The following C1QTNF4 variants were observed in gnomAD, a reference collection of about 807,000 sequenced individuals.
C1QTNF4 encodes C1q and TNF related 4.
C1QTNF4 carries 12 observed loss-of-function variants against 14.6 expected under a neutral mutation model. That is an observed-to-expected ratio of 0.82 (90% CI 0.53 to 1.33). The LOEUF (loss-of-function observed/expected upper bound fraction) is 1.33. Ranked by LOEUF, C1QTNF4 falls within the 40% of genes most tolerant of loss-of-function variation. The pLI, the probability that C1QTNF4 is intolerant of heterozygous loss-of-function variation, is 0.00. For synonymous variants in C1QTNF4, 278 were observed against 246.6 expected (o/e 1.13, Z -1.19); for missense variants, 558 against 500.3 (o/e 1.12, Z -1.10).
chr11:47,591,800 A>G (rs1254351950), intron 1 of C1QTNF4, among the ~76,000 whole-genome samples: 1 of 152,174 alleles, frequency 6.6e-6, no homozygotes, highest in Non-Finnish European at 1.5e-5. Context: ...TTTGACACTC[A>G]GGGGCCCTGG....
In C1QTNF4 at chr11:47,594,248, T is replaced by C. The variant is rs112029759; in HGVS notation, c.-106A>G. 6.6e-5 allele frequency: 10 copies of C among 152,212 alleles called. No individual in the cohort carries two copies. The highest frequency in any genetic ancestry group is 2.4e-4 in the African/African-American group (10 of 41,494). 9.4% of individuals were successfully genotyped at this position (152,212 alleles called of 1,614,324 possible). A position where few individuals can be genotyped will look rare whatever the true frequency, so the allele number is the denominator to read the frequency against. ...AGGCTGCAGGCTGCGGGTGCCGGGC[T>C]GCGCGCTGACCGCCCGCGCTGCGGC... On this transcript the variant is annotated 5_prime_UTR_variant, in exon 1 of 2. Transcript: ENST00000302514.
At position 47,589,744 on chromosome 11, in the gene C1QTNF4, G is replaced by C; in HGVS notation, c.*77C>G. The C allele has an allele frequency of 2.2e-6, 3 of 1,355,702 alleles. No individual in the cohort carries two copies. Among genetic ancestry groups the C allele is most frequent in the South Asian group, 1.6e-5 (1 of 63,726 alleles). 84.0% of individuals were successfully genotyped at this position (1,355,702 alleles called of 1,614,324 possible). ...GGCGCGCCCGGAGGCCGTGGCGCTC[G>C]CGCGGGACTTTCGAGCCTCCGGCCC... On this transcript the variant is annotated 3_prime_UTR_variant, in exon 2 of 2. Coordinates refer to ENST00000302514, the MANE Select transcript of C1QTNF4 (RefSeq NM_031909.3).
chr11:47,590,870 C>T (rs2097275243), intron 1 of C1QTNF4, 55 bp from the exon 2 acceptor site: 3 of 1,432,656 alleles, frequency 2.1e-6, no homozygotes, highest in Non-Finnish European at 1.8e-6. Flanking sequence ...GGCTTCCAAA[C>T]GCCCGGCTCT....
In C1QTNF4 at chr11:47,590,653, A is replaced by G. The variant is rs535287780; in HGVS notation, c.158T>C (p.Val53Ala). ...GAAGTCGCCCCCGATGTTCACGTAC[A>G]CCTTGTCGAAGGTCACCGCCATCTC... ...TSEMAVTFDK[V>A]YVNIGGDFDV... is the part of the protein sequence containing the mutation. Residue 53 changes from valine (V) to alanine (A), a missense_variant, in exon 2 of 2, where the codon GTG becomes GCG. Val to Ala is a moderately conservative substitution (Grantham distance 64, BLOSUM62 0). Coordinates refer to ENST00000302514, the MANE Select transcript of C1QTNF4 (RefSeq NM_031909.3). 5 of 1,611,204 alleles carry G rather than the reference A, an allele frequency of 3.1e-6. No homozygotes were observed. In the South Asian group the frequency reaches 3.3e-5, roughly 11 times the overall value.
rs1215856335 is a variant in C1QTNF4 at position 47,590,529 on chromosome 11, C to T, written c.282G>A (p.Leu94=). 7.5e-6 allele frequency: 12 copies of T among 1,594,734 alleles called. No homozygotes were observed. The highest frequency in any genetic ancestry group is 1.0e-5 in the Non-Finnish European group (12 of 1,171,884). The change falls in exon 2 of 2, where the codon CTG becomes CTA. Residue 94 remains leucine (L), a synonymous_variant. Transcript: ENST00000302514. ...KAPHKSLSVM[L]VRNRDEVQAL... ...CCTGCACCTCGTCGCGGTTTCGCACCAGCATCACCGACAGGCTCTTGTGCG... is the reference window on the plus strand; with the variant it reads ...CCTGCACCTCGTCGCGGTTTCGCACTAGCATCACCGACAGGCTCTTGTGCG...
rs148853380 is a variant in C1QTNF4 at position 47,590,694 on chromosome 11, G to A, written c.117C>T (p.Pro39=). The A allele has an allele frequency of 2.5e-6, 4 of 1,611,534 alleles. No homozygotes were observed. The highest frequency in any genetic ancestry group is 1.3e-5 in the African/African-American group (1 of 74,980). Residue 39 remains proline (P), a synonymous_variant, in exon 2 of 2, where the codon CCC becomes CCT. Coordinates refer to ENST00000302514, the MANE Select transcript of C1QTNF4 (RefSeq NM_031909.3). ...RSAFSAARTT[P]LEGTSEMAVT... ...CCGCCATCTCCGACGTGCCCTCCAG[G>A]GGGGTGGTGCGTGCCGCCGAGAAGG...
chr11:47,593,929 TAATC>T (rs2097276752), intron 1 of C1QTNF4, among the ~76,000 whole-genome samples: 1 of 151,476 alleles, frequency 6.6e-6, no homozygotes, highest in Non-Finnish European at 1.5e-5. Context: ...AGAAGCCAAT[TAATC>T]CTTATTTTTA....
chr11:47,592,296 C>T (rs1217938494), intron 1 of C1QTNF4, among the ~76,000 whole-genome samples: 1 of 152,190 alleles, frequency 6.6e-6, no homozygotes, highest in Non-Finnish European at 1.5e-5. Context: ...GGCTCTACCA[C>T]TCACACTGTG....
At chr11:47,591,665 G>A (rs549460196) in intron 1 of C1QTNF4, among the ~76,000 whole-genome samples, 14 of 152,324 alleles carry the variant, frequency 9.2e-5, no homozygotes, top group African/African-American at 3.1e-4. Flanking sequence ...TGGGATTACA[G>A]GCGTGAGCCA....
upstream of C1QTNF4, among the ~76,000 whole-genome samples, chr11:47,594,980 G>A (rs2097277464): frequency 6.6e-6 from 1 of 152,114 alleles, no homozygotes; most frequent in Admixed American, 6.5e-5. Flanking sequence ...AGTCCTTGGG[G>A]CAGAATGGAA....
Position 47,590,418 on chromosome 11 carries a change from T to G in C1QTNF4, c.393A>C (p.Thr131=), listed in dbSNP as rs1255903442. The change falls in exon 2 of 2, where the codon ACA becomes ACC. Residue 131 remains threonine (T), a synonymous_variant. Coordinates refer to ENST00000302514, the MANE Select transcript of C1QTNF4 (RefSeq NM_031909.3). ...GGGCGCCATGCAGCCGCAGCCACAC[T>G]GTGTCGCCGTAGTCGAGCTGCAGCA... The part of the protein sequence containing the change: ...SAMLQLDYGD[T]VWLRLHGAPQ... 1.5e-5 allele frequency: 22 copies of G among 1,498,672 alleles called. No individual in the cohort carries two copies. The highest frequency in any genetic ancestry group is 6.8e-5 in the Admixed American group (3 of 44,364). 92.8% of individuals were successfully genotyped at this position (1,498,672 alleles called of 1,614,324 possible).
Position 47,590,565 on chromosome 11 carries a change from A to T in C1QTNF4, c.246T>A (p.Ala82=). ...ACAGGCTCTTGTGCGGGGCCTTGCCAGCCGTGAAGGAGAAGAAGTAGGCGC... is the reference window on the plus strand; with the variant it reads ...ACAGGCTCTTGTGCGGGGCCTTGCCTGCCGTGAAGGAGAAGAAGTAGGCGC... ...VPGAYFFSFT[A]GKAPHKSLSV... is the part of the protein sequence containing the mutation. Residue 82 remains alanine, a synonymous_variant, in exon 2 of 2, where the codon GCT becomes GCA. Transcript: ENST00000302514. 6.3e-7 allele frequency: 1 copy of T among 1,599,900 alleles called. No individual in the cohort carries two copies. The highest frequency in any genetic ancestry group is 8.5e-7 in the Non-Finnish European group (1 of 1,174,620).
chr11:47,592,875 A>C (rs2097276297), intron 1 of C1QTNF4, among the ~76,000 whole-genome samples: 2 of 152,206 alleles, frequency 1.3e-5, no homozygotes, highest in South Asian at 2.1e-4. Context: ...CTCATACTAA[A>C]GACCCCAAGT....
chr11:47,592,529 C>G (rs1454849722), intron 1 of C1QTNF4, among the ~76,000 whole-genome samples: 1 of 152,126 alleles, frequency 6.6e-6, no homozygotes, highest in African/African-American at 2.4e-5. Flanking sequence ...TCACTCCTAC[C>G]CCTGAGAGCT....
At chr11:47,594,118 G>A (rs1335581490) in intron 1 of C1QTNF4, 30 bp downstream of exon 1, 1 of 152,256 alleles carries the variant, frequency 6.6e-6, no homozygotes, top group East Asian at 1.9e-4. Context: ...GGGGAACCTC[G>A]GCTCCCTGCC....
Position 47,590,814 on chromosome 11 carries a change from G to A in C1QTNF4, c.-4C>T, listed in dbSNP as rs1315833875. On this transcript the variant is annotated splice_region_variant and 5_prime_UTR_variant, in exon 2 of 2. Coordinates refer to ENST00000302514, the MANE Select transcript of C1QTNF4 (RefSeq NM_031909.3). Reference sequence around the variant, plus strand: ...GGCCCAGCAGAAGCGGCAGCATGGCGCCTGGGAGGGAGACGGAGGGGCGAG... The same window carrying A: ...GGCCCAGCAGAAGCGGCAGCATGGCACCTGGGAGGGAGACGGAGGGGCGAG... 4.0e-6 allele frequency: 6 copies of A among 1,484,038 alleles called. No individual in the cohort carries two copies. The highest frequency in any genetic ancestry group is 1.4e-5 in the African/African-American group (1 of 70,050). The allele number at this position is 1,484,038 out of a possible 1,614,324, so 91.9% of individuals were successfully genotyped here.
At position 47,590,551 on chromosome 11, in the gene C1QTNF4, T is replaced by C; in HGVS notation, c.260A>G (p.His87Arg). 6.3e-7 allele frequency: 1 copy of C among 1,597,784 alleles called. No individual in the cohort carries two copies. The highest frequency in any genetic ancestry group is 1.1e-5 in the South Asian group (1 of 88,906). ...CACCAGCATCACCGACAGGCTCTTGTGCGGGGCCTTGCCAGCCGTGAAGGA... is the reference window on the plus strand; with the variant it reads ...CACCAGCATCACCGACAGGCTCTTGCGCGGGGCCTTGCCAGCCGTGAAGGA... ...FFSFTAGKAP[H>R]KSLSVMLVRN... The change falls in exon 2 of 2, where the codon CAC becomes CGC. Residue 87 changes from histidine (H) to arginine (R), a missense_variant. Physicochemically the swap from His to Arg is conservative, Grantham distance 29. Coordinates refer to ENST00000302514, the MANE Select transcript of C1QTNF4 (RefSeq NM_031909.3).
Position 47,589,896 on chromosome 11 carries a change from G to A in C1QTNF4, c.915C>T (p.Thr305=). The change falls in exon 2 of 2, where the codon ACC becomes ACT. Residue 305 remains threonine (T), a synonymous_variant. Transcript: ENST00000302514. ...GAYSNHGKYI[T]FSGFLVYPDL... The stretch of plus-strand genomic sequence containing the variant: ...CGGGGTACACCAGGAAGCCGGAGAA[G>A]GTGATGTACTTGCCGTGGTTGCTGT... 1.3e-6 allele frequency: 2 copies of A among 1,577,446 alleles called. No individual in the cohort carries two copies. Among genetic ancestry groups the A allele is most frequent in the South Asian group, 1.1e-5 (1 of 87,722 alleles).
In C1QTNF4 at chr11:47,589,687, G is replaced by C; in HGVS notation, c.*134C>G. On this transcript the variant is annotated 3_prime_UTR_variant, in exon 2 of 2. Coordinates refer to ENST00000302514, the MANE Select transcript of C1QTNF4 (RefSeq NM_031909.3). ...GGGCCTGGGCTGCCGGGCGCTGCGC[G>C]TGCCCGCTTTCCGCTTTATTGGCAG... The C allele has an allele frequency of 2.3e-6, 2 of 863,046 alleles. No individual in the cohort carries two copies. The highest frequency in any genetic ancestry group is 4.1e-5 in the South Asian group (2 of 48,804). 53.5% of individuals were successfully genotyped at this position (863,046 alleles called of 1,614,324 possible).
Sources: allele counts gnomAD v4.1 joint callset (sites outside exome capture counted in the v4.1 genomes callset), GRCh38; gene constraint gnomAD v4.1.1; transcripts MANE v1.5; gene names NCBI Gene and HGNC (gene_info 2026-07-23, HGNC 2026-07-21).